ZNF534: variants seen among roughly 807,000 people sequenced by gnomAD.
The protein encoded by ZNF534 is KRAB domain only 3.
Under a neutral mutation model 13.6 loss-of-function variants are expected in ZNF534, and 19 were observed. The ratio of observed to expected loss-of-function variants is 1.40; its 90% CI spans 0.97 to 2.05. The LOEUF is 2.05. Among genes scored for constraint, ZNF534 ranks in the 30% most tolerant of loss-of-function variants. ZNF534 has a pLI of 0.00. For synonymous variants in ZNF534, 244 were observed against 273.8 expected (o/e 0.89, Z 1.07); for missense variants, 782 against 796.3 (o/e 0.98, Z 0.22).
downstream of ZNF534, among the ~76,000 whole-genome samples, chr19:52,447,092 C>T (rs903450979): frequency 6.6e-6 from 1 of 152,182 alleles, no homozygotes; most frequent in South Asian, 2.1e-4. Context: ...ATATCACCAA[C>T]TACTAAGTGA....
intron 4 of ZNF534, among the ~76,000 whole-genome samples, chr19:52,448,866 G>A (rs553876367): frequency 7.9e-5 from 12 of 152,068 alleles, no homozygotes; most frequent in Admixed American, 1.3e-4. Flanking sequence ...TTCTCTTGAC[G>A]ACCTTTCAAC....
intron 4 of ZNF534, 96 bp from the exon 5 acceptor site, chr19:52,437,636 C>G: frequency 2.4e-6 from 3 of 1,224,718 alleles, no homozygotes; most frequent in Non-Finnish European, 3.3e-6. Context: ...CTGATAATTT[C>G]AATGTCTGAG....
At chr19:52,448,501 A>G (rs1342599594) in intron 4 of ZNF534, among the ~76,000 whole-genome samples, 5 of 152,100 alleles carry the variant, frequency 3.3e-5, no homozygotes, top group African/African-American at 1.2e-4. Context: ...CAGTTTGAGG[A>G]TACAGTGAGC....
chr19:52,450,263 G>A (rs1002044211), intron 4 of ZNF534, among the ~76,000 whole-genome samples: 3 of 152,120 alleles, frequency 2.0e-5, no homozygotes, highest in Non-Finnish European at 4.4e-5. Context: ...TCAATGCCCT[G>A]AAGAGTTTTC....
Position 52,431,423 on chromosome 19 carries a change from A to G in ZNF534, c.-52A>G. 1.2e-6 allele frequency: 2 copies of G among 1,612,140 alleles called. No individual in the cohort carries two copies. The highest frequency in any genetic ancestry group is 8.5e-7 in the Non-Finnish European group (1 of 1,178,368). On this transcript the variant is annotated 5_prime_UTR_variant, in exon 2 of 5. Transcript: ENST00000433050. ...TTGATACTAGGATTCACTTTCAAAG[A>G]GACATATTATGCAAGGAAGCAACTC...
At position 52,437,909 on chromosome 19, in the gene ZNF534, T is replaced by C. The variant is rs1206866288; in HGVS notation, c.449T>C (p.Ile150Thr). Residue 150 changes from isoleucine (I) to threonine (T), a missense_variant, in exon 5 of 5, where the codon ATA (isoleucine) becomes ACA (threonine). Coordinates refer to ENST00000433050, the MANE Select transcript of ZNF534 (RefSeq NM_001143938.3). ...SDNSSVSPVQ[I>T]SFFSVKTHIF... ...AATTCTTCAGTTTCACCAGTTCAAA[T>C]AAGTTTTTTCAGTGTCAAAACCCAT... 4.3e-6 allele frequency: 7 copies of C among 1,612,982 alleles called. 1 individual carries two copies. The South Asian group carries it at 5.5e-5, about 13-fold the overall frequency.
chr19:52,442,691 C>T (rs1006592847), downstream of ZNF534, among the ~76,000 whole-genome samples: 1 of 152,210 alleles, frequency 6.6e-6, no homozygotes, highest in Non-Finnish European at 1.5e-5. Context: ...TATACCTCCT[C>T]CTACAGGCCT....
rs1215046784 is a variant in ZNF534, at chr19:52,439,456, G to A, written c.*10G>A. On this transcript the variant is annotated 3_prime_UTR_variant, in exon 5 of 5. Transcript: ENST00000433050. ...CAGAGAGAAGCCTTAAAAATTTAGT[G>A]AAGCTGGCAGGGCGCAGTGGCTCAC... is the stretch of plus-strand genomic sequence containing the variant. 2.7e-6 allele frequency: 4 copies of A among 1,501,866 alleles called. No homozygotes were observed. The highest frequency in any genetic ancestry group is 3.5e-4 in the Middle Eastern group (2 of 5,724). The allele number at this position is 1,501,866 out of a possible 1,614,324, so 93.0% of individuals were successfully genotyped here.
intron 4 of ZNF534, among the ~76,000 whole-genome samples, chr19:52,435,473 A>G (rs1382638146): frequency 6.6e-6 from 1 of 152,004 alleles, no homozygotes; most frequent in Admixed American, 6.6e-5. Context: ...CAAAGCTGAA[A>G]TCCTTTGAGT....
In ZNF534 at chr19:52,435,176, G is replaced by C. The variant is rs117157582; in HGVS notation, c.238G>C (p.Asp80His). 1.4e-4 allele frequency: 221 copies of C among 1,612,768 alleles called. No individual in the cohort carries two copies. The East Asian group carries it at 4.7e-3, about 34-fold the overall frequency. Residue 80 changes from aspartate to histidine, a missense_variant, in exon 4 of 5, where the codon GAT (aspartate) becomes CAT (histidine). Physicochemically the swap from Asp to His is moderately conservative, Grantham distance 81. Transcript: ENST00000433050. The part of the protein sequence containing the change: ...QSEVKIINNP[D>H]GRECIKGVNT... ...TGAAGTGAAAATAATAAACAATCCA[G>C]ATGGCAGGGAGTGCATCAAAGGTGT...
chr19:52,451,209 C>G, exon 5 of ZNF534: 1 of 706,120 alleles, frequency 1.4e-6, no homozygotes, highest in Non-Finnish European at 2.6e-6. Flanking sequence ...TGGCCTGGGA[C>G]GCGCGCGTCT....
intron 2 of ZNF534, among the ~76,000 whole-genome samples, chr19:52,432,694 G>GT (rs201209932): frequency 0.14 from 21,001 of 151,642 alleles, 1,784 homozygotes; most frequent in African/African-American, 0.25. Context: ...GTGCAATGAT[G>GT]CAATCTCGGC....
In ZNF534 at chr19:52,442,463, C is replaced by G. The variant is rs1424168403; in HGVS notation, c.*3017C>G. Reference sequence around the variant, plus strand: ...TAATCAATAGAAACAATGCTTATCACTGGCTTGCTCTCAATAAATATGTGG... The same window carrying G: ...TAATCAATAGAAACAATGCTTATCAGTGGCTTGCTCTCAATAAATATGTGG... On this transcript the variant is annotated 3_prime_UTR_variant, in exon 5 of 5. Transcript: ENST00000433050. Among the ~76,000 whole-genome samples, 1 of 152,246 alleles carries G rather than the reference C, an allele frequency of 6.6e-6. No individual in the cohort carries two copies. The highest frequency in any genetic ancestry group is 6.5e-5 in the Admixed American group (1 of 15,288).
exon 5 of ZNF534, chr19:52,451,225 G>T (rs1474676141): frequency 1.4e-6 from 1 of 718,938 alleles, no homozygotes. Context: ...CGTCTTCAGG[G>T]TGGAAGCCTG....
At chr19:52,446,336 G>A (rs2059194361), downstream of ZNF534, among the ~76,000 whole-genome samples, 1 of 152,092 alleles carries the variant, frequency 6.6e-6, no homozygotes, top group African/African-American at 2.4e-5. Flanking sequence ...AGGGAAACAT[G>A]ACATTAGTGC....
intron 2 of ZNF534, 87 bp downstream of exon 2, chr19:52,431,576 C>A: frequency 6.4e-7 from 1 of 1,556,782 alleles, no homozygotes; most frequent in Non-Finnish European, 8.8e-7. Flanking sequence ...GACTCTGAAG[C>A]ATCCTGCCTG....
downstream of ZNF534, among the ~76,000 whole-genome samples, chr19:52,443,978 A>G (rs1223787309): frequency 6.6e-6 from 1 of 151,838 alleles, no homozygotes; most frequent in African/African-American, 2.4e-5. Flanking sequence ...TTAATAACTG[A>G]CCTTCTGAAT....
rs767925209 is a variant in ZNF534 at position 52,439,221 on chromosome 19, C to T, written c.1761C>T (p.Phe587=). Residue 587 remains phenylalanine (F), a synonymous_variant, in exon 5 of 5, where the codon TTC becomes TTT. Transcript: ENST00000433050. ...GTTGTAATGAATGTGGCAAGGTCTT[C>T]AGTCGGAATTCACACCTTGCGCGAC... ...PHSCNECGKV[F]SRNSHLARHR... is the part of the protein sequence containing the mutation. 22 of 1,532,650 alleles carry T rather than the reference C, an allele frequency of 1.4e-5. No individual in the cohort carries two copies. Among genetic ancestry groups the T allele is most frequent in the Middle Eastern group, 1.7e-4 (1 of 5,864 alleles). 94.9% of individuals were successfully genotyped at this position (1,532,650 alleles called of 1,614,324 possible).
At chr19:52,433,933 T>C in intron 2 of ZNF534, 22 bp from the exon 3 acceptor site, 1 of 1,613,578 alleles carries the variant, frequency 6.2e-7, no homozygotes. Context: ...ACCCTGTTTT[T>C]GAAATGTGGA....
Sources: allele counts gnomAD v4.1 joint callset (sites outside exome capture counted in the v4.1 genomes callset), GRCh38; gene constraint gnomAD v4.1.1; transcripts MANE v1.5; gene names NCBI Gene and HGNC (gene_info 2026-07-23, HGNC 2026-07-21).